The following NPW variants were observed in gnomAD, a reference collection of about 807,000 sequenced individuals.
NPW encodes prepro-neuropeptide W.
NPW carries 8 observed loss-of-function variants against 9.9 expected under a neutral mutation model. The ratio of observed to expected loss-of-function variants is 0.81; its 90% CI spans 0.47 to 1.46. The LOEUF is 1.46. Ranked by LOEUF, NPW falls within the 40% of genes most tolerant of loss-of-function variation. NPW has a pLI of 0.00. For missense variants in NPW, 287 were observed against 240.3 expected (o/e 1.19, Z -1.28); for synonymous variants, 134 against 119.9 (o/e 1.12, Z -0.77).
At position 2,020,696 on chromosome 16, in the gene NPW, T is replaced by C; in HGVS notation, c.*77T>C. Reference sequence around the variant, plus strand: ...GCCGCGCGCTTCCAGGAGCCGCTCATAGACCCCGCCTGCCGTCCGGTCAAT... The same window carrying C: ...GCCGCGCGCTTCCAGGAGCCGCTCACAGACCCCGCCTGCCGTCCGGTCAAT... On this transcript the variant is annotated 3_prime_UTR_variant, in exon 2 of 2. Transcript: ENST00000566435. 1 of 853,698 alleles carries C rather than the reference T, an allele frequency of 1.2e-6. No homozygotes were observed. Among genetic ancestry groups the C allele is most frequent in the East Asian group, 2.8e-5 (1 of 35,300 alleles). 52.9% of individuals were successfully genotyped at this position (853,698 alleles called of 1,614,324 possible). A position where few individuals can be genotyped will look rare whatever the true frequency, so the allele number is the denominator to read the frequency against.
In NPW at chr16:2,020,176, C is replaced by A; in HGVS notation, c.275C>A (p.Pro92His). Residue 92 changes from proline to histidine, a missense_variant, in exon 1 of 2, where the codon CCC (proline) becomes CAC (histidine). Physicochemically the swap from Pro to His is moderately conservative, Grantham distance 77. Coordinates refer to ENST00000566435, the MANE Select transcript of NPW (RefSeq NM_001099456.3). ...GCCCGCGAGGCTCCTCTCCTGCTGC[C>A]CTCGTGGGTTCAGGAGCTGTGGGAG... 2 of 1,594,706 alleles carry A rather than the reference C, an allele frequency of 1.3e-6. No individual in the cohort carries two copies. Among genetic ancestry groups the A allele is most frequent in the Non-Finnish European group, 1.7e-6 (2 of 1,173,734 alleles).
At position 2,020,067 on chromosome 16, in the gene NPW, C is replaced by A; in HGVS notation, c.166C>A (p.Arg56Ser). Residue 56 changes from arginine to serine, a missense_variant, in exon 1 of 2, where the codon CGT becomes AGT. By Grantham distance (110) the Arg-to-Ser change is moderately radical. Transcript: ENST00000566435. ...CGCCGCTGGCCTGCTCATGGGGCTG[C>A]GTCGCTCACCCTATCTGTGGCGCCG... The A allele has an allele frequency of 6.7e-7, 1 of 1,499,144 alleles. No individual in the cohort carries two copies. Among genetic ancestry groups the A allele is most frequent in the Non-Finnish European group, 8.8e-7 (1 of 1,131,208 alleles). The allele number at this position is 1,499,144 out of a possible 1,614,324, so 92.9% of individuals were successfully genotyped here. A position where few individuals can be genotyped will look rare whatever the true frequency, so the allele number is the denominator to read the frequency against.
In NPW at chr16:2,020,242, C is replaced by T; in HGVS notation, c.341C>T (p.Ala114Val). ...TCCCAGGCAGGGATCCCCGTCCGTG[C>T]GCCCCGGAGCCCGCGCGCCCCAGAG... The change falls in exon 1 of 2, where the codon GCG (alanine) becomes GTG (valine). Residue 114 changes from alanine to valine, a missense_variant. Coordinates refer to ENST00000566435, the MANE Select transcript of NPW (RefSeq NM_001099456.3). 2 of 1,565,158 alleles carry T rather than the reference C, an allele frequency of 1.3e-6. No individual in the cohort carries two copies. Among genetic ancestry groups the T allele is most frequent in the Non-Finnish European group, 8.6e-7 (1 of 1,158,852 alleles).
rs940572392 is a variant in NPW, at chr16:2,020,691, G to A, written c.*72G>A. ...GAGTGGCCGCGCGCTTCCAGGAGCCGCTCATAGACCCCGCCTGCCGTCCGG... is the reference window on the plus strand; with the variant it reads ...GAGTGGCCGCGCGCTTCCAGGAGCCACTCATAGACCCCGCCTGCCGTCCGG... On this transcript the variant is annotated 3_prime_UTR_variant, in exon 2 of 2. Transcript: ENST00000566435. The A allele has an allele frequency of 3.8e-5, 35 of 910,400 alleles. No homozygotes were observed. The highest frequency in any genetic ancestry group is 1.2e-4 in the Admixed American group (5 of 41,280). The allele number at this position is 910,400 out of a possible 1,614,324, so 56.4% of individuals were successfully genotyped here. A position where few individuals can be genotyped will look rare whatever the true frequency, so the allele number is the denominator to read the frequency against.
intron 1 of NPW, 88 bp downstream of exon 1, chr16:2,020,400 G>A: frequency 2.3e-6 from 3 of 1,289,868 alleles, no homozygotes; most frequent in Non-Finnish European, 3.2e-6. Flanking sequence ...CGTTCAGGGG[G>A]CACCCTCGGG....
chr16:2,020,257 G>A lies in NPW; in HGVS notation c.356G>A (p.Arg119His), dbSNP rs756480273. The change falls in exon 1 of 2, where the codon CGC (arginine) becomes CAC (histidine). Residue 119 changes from arginine (R) to histidine (H), a missense_variant. Coordinates refer to ENST00000566435, the MANE Select transcript of NPW (RefSeq NM_001099456.3). ...CCCGTCCGTGCGCCCCGGAGCCCGC[G>A]CGCCCCAGAGCCTGCGCTGGAACCG... 5.2e-6 allele frequency: 8 copies of A among 1,547,200 alleles called. No homozygotes were observed. The Admixed American group carries it at 1.3e-4, about 26-fold the overall frequency.
chr16:2,019,988 C>T lies in NPW; in HGVS notation c.87C>T (p.Pro29=), dbSNP rs1004983972. Residue 29 remains proline, a synonymous_variant, in exon 1 of 2, where the codon CCC becomes CCT. Transcript: ENST00000566435. ...TGCTTCTGCTCCTGCTGCCGCTGCC[C>T]TCCGGCGCGTGGTACAAGCACGTGG... 5.3e-5 allele frequency: 77 copies of T among 1,446,982 alleles called. No individual in the cohort carries two copies. Among genetic ancestry groups the T allele is most frequent in the Non-Finnish European group, 6.8e-5 (75 of 1,100,908 alleles). The allele number at this position is 1,446,982 out of a possible 1,614,324, so 89.6% of individuals were successfully genotyped here.
chr16:2,019,885 C>T lies in NPW; in HGVS notation c.-17C>T. Reference sequence around the variant, plus strand: ...GTTCGTGGCCCGCCCCGCCGGGCGGCCGTCGACGCGAGCGCCCTGGCGTGG... The same window carrying T: ...GTTCGTGGCCCGCCCCGCCGGGCGGTCGTCGACGCGAGCGCCCTGGCGTGG... On this transcript the variant is annotated 5_prime_UTR_variant, in exon 1 of 2. Coordinates refer to ENST00000566435, the MANE Select transcript of NPW (RefSeq NM_001099456.3). 2 of 1,220,274 alleles carry T rather than the reference C, an allele frequency of 1.6e-6. No homozygotes were observed. Among genetic ancestry groups the T allele is most frequent in the Non-Finnish European group, 2.0e-6 (2 of 981,548 alleles). The allele number at this position is 1,220,274 out of a possible 1,614,324, so 75.6% of individuals were successfully genotyped here.
rs754265298 is a variant in NPW at position 2,020,527 on chromosome 16, C to A, written c.412-6C>A. On this transcript the variant is annotated splice_region_variant and splice_polypyrimidine_tract_variant and intron_variant, in intron 1 of 1. Coordinates refer to ENST00000566435, the MANE Select transcript of NPW (RefSeq NM_001099456.3). ...CCTCCCCACGGCCTTGCTGTGTTCTCGTTAGAGACTTCGGAGAGACGTCTC... is the reference window on the plus strand; with the variant it reads ...CCTCCCCACGGCCTTGCTGTGTTCTAGTTAGAGACTTCGGAGAGACGTCTC... The A allele has an allele frequency of 6.2e-7, 1 of 1,601,100 alleles. No individual in the cohort carries two copies. Among genetic ancestry groups the A allele is most frequent in the Non-Finnish European group, 8.5e-7 (1 of 1,170,198 alleles).
At chr16:2,020,457 G>T (rs1442329517) in intron 1 of NPW, 76 bp from the exon 2 acceptor site, 10 of 1,349,638 alleles carry the variant, frequency 7.4e-6, no homozygotes, top group Non-Finnish European at 1.0e-5. Flanking sequence ...CCCTGGGCAG[G>T]CTCGACCCTG....
At chr16:2,020,432 G>A (rs12921264) in intron 1 of NPW, 101 bp from the exon 2 acceptor site, 229,601 of 1,275,414 alleles carry the variant, frequency 0.18, 23,006 homozygotes, top group Non-Finnish European at 0.21. Flanking sequence ...CCTGCTCCGC[G>A]CCCAGAAGAG....
chr16:2,020,531 A>C lies in NPW; in HGVS notation c.412-2A>C, dbSNP rs1200183586. 16 of 1,602,356 alleles carry C rather than the reference A, an allele frequency of 1.0e-5. No homozygotes were observed. The highest frequency in any genetic ancestry group is 1.3e-5 in the Non-Finnish European group (15 of 1,171,446). ...CCCACGGCCTTGCTGTGTTCTCGTT[A>C]GAGACTTCGGAGAGACGTCTCCCGC... On this transcript the variant is annotated splice_acceptor_variant, in intron 1 of 1. Transcript: ENST00000566435. LOFTEE classifies it high-confidence loss of function.
chr16:2,020,278 A>T lies in NPW; in HGVS notation c.377A>T (p.Glu126Val). The stretch of plus-strand genomic sequence containing the variant: ...CCGCGCGCCCCAGAGCCTGCGCTGG[A>T]ACCGGAGTCCCTGGACTTCAGCGGA... The change falls in exon 1 of 2, where the codon GAA becomes GTA. Residue 126 changes from glutamate to valine, a missense_variant. Glu to Val is a moderately radical substitution (Grantham distance 121). Coordinates refer to ENST00000566435, the MANE Select transcript of NPW (RefSeq NM_001099456.3). 3 of 1,531,162 alleles carry T rather than the reference A, an allele frequency of 2.0e-6. No homozygotes were observed. The highest frequency in any genetic ancestry group is 2.6e-6 in the Non-Finnish European group (3 of 1,139,604). 94.8% of individuals were successfully genotyped at this position (1,531,162 alleles called of 1,614,324 possible). A position where few individuals can be genotyped will look rare whatever the true frequency, so the allele number is the denominator to read the frequency against.
At chr16:2,020,425 G>T in intron 1 of NPW, 108 bp from the exon 2 acceptor site, 1 of 1,297,758 alleles carries the variant, frequency 7.7e-7, no homozygotes, top group South Asian at 1.4e-5. Context: ...TCCATTCCCT[G>T]CTCCGCGCCC....
chr16:2,020,424 T>C, intron 1 of NPW, 109 bp from the exon 2 acceptor site: 2 of 1,292,200 alleles, frequency 1.5e-6, no homozygotes, highest in South Asian at 1.4e-5. Context: ...TTCCATTCCC[T>C]GCTCCGCGCC....
Position 2,020,262 on chromosome 16 carries a change from C to G in NPW, c.361C>G (p.Pro121Ala). Residue 121 changes from proline (P) to alanine (A), a missense_variant, in exon 1 of 2, where the codon CCA becomes GCA. Physicochemically the swap from Pro to Ala is conservative, Grantham distance 27. Transcript: ENST00000566435. ...CCGTGCGCCCCGGAGCCCGCGCGCC[C>G]CAGAGCCTGCGCTGGAACCGGAGTC... The G allele has an allele frequency of 6.5e-7, 1 of 1,543,598 alleles. No homozygotes were observed. The highest frequency in any genetic ancestry group is 1.2e-5 in the South Asian group (1 of 84,304).
Position 2,020,632 on chromosome 16 carries a change from C to A in NPW, c.*13C>A, listed in dbSNP as rs770809109. ...CGGACCGTTCTGACAGCGTCCCCCG[C>A]CCGCCCGTGGCGCCTCCGCGCCTGA... On this transcript the variant is annotated 3_prime_UTR_variant, in exon 2 of 2. Transcript: ENST00000566435. The A allele has an allele frequency of 5.8e-6, 9 of 1,556,332 alleles. No individual in the cohort carries two copies. In the Admixed American group the frequency reaches 1.6e-4, roughly 27 times the overall value.
Position 2,020,078 on chromosome 16 carries a change from C to A in NPW, c.177C>A (p.Pro59=). 6.7e-7 allele frequency: 1 copy of A among 1,497,926 alleles called. No homozygotes were observed. The allele number at this position is 1,497,926 out of a possible 1,614,324, so 92.8% of individuals were successfully genotyped here. The stretch of plus-strand genomic sequence containing the variant: ...TGCTCATGGGGCTGCGTCGCTCACC[C>A]TATCTGTGGCGCCGCGCGCTGCGCG... Residue 59 remains proline, a synonymous_variant, in exon 1 of 2, where the codon CCC becomes CCA. Coordinates refer to ENST00000566435, the MANE Select transcript of NPW (RefSeq NM_001099456.3).
Position 2,019,858 on chromosome 16 carries a change from C to T in NPW, c.-44C>T. ...ACTGCGCGCCCAAACCCAGCCGAGC[C>T]GGTTCGTGGCCCGCCCCGCCGGGCG... is the stretch of plus-strand genomic sequence containing the variant. On this transcript the variant is annotated 5_prime_UTR_variant, in exon 1 of 2. Coordinates refer to ENST00000566435, the MANE Select transcript of NPW (RefSeq NM_001099456.3). The T allele has an allele frequency of 8.3e-7, 1 of 1,208,626 alleles. No individual in the cohort carries two copies. Among genetic ancestry groups the T allele is most frequent in the Non-Finnish European group, 1.0e-6 (1 of 974,046 alleles). 74.9% of individuals were successfully genotyped at this position (1,208,626 alleles called of 1,614,324 possible).
Sources: gnomAD v4.1 joint callset for allele counts on GRCh38, gnomAD v4.1.1 for gene constraint, MANE v1.5 for transcripts, NCBI Gene and HGNC (gene_info 2026-07-23, HGNC 2026-07-21) for gene names.